Variants in BSCL2 observed in about 807,000 individuals in gnomAD.
The protein encoded by BSCL2 is seipin.
A neutral mutation model predicts 57.4 loss-of-function variants in BSCL2; 41 were observed. The observed-to-expected ratio is 0.71, with a 90% confidence interval of 0.56 to 0.93. BSCL2 has a LOEUF of 0.93. Ranked by LOEUF, BSCL2 falls within the 40% of genes least tolerant of loss-of-function variation. The pLI is 0.00. For missense variants in BSCL2, 539 were observed against 586.7 expected (o/e 0.92, Z 0.84); for synonymous variants, 237 against 227.3 (o/e 1.04, Z -0.38).
In BSCL2 at chr11:62,700,185, G is replaced by A. The variant is rs553032263; in HGVS notation, c.486+2283C>T. ...GAACCTGGGAGGTCAAGGCTGCAGC[G>A]AGCCGTGATCGTATCACTGCACTCC... On this transcript the variant is annotated intron_variant, in intron 3 of 10. Coordinates refer to ENST00000360796, the MANE Select transcript of BSCL2 (RefSeq NM_001122955.4). Among the ~76,000 whole-genome samples the A allele has an allele frequency of 7.8e-4, 117 of 150,906 alleles. 1 individual carries two copies. Among genetic ancestry groups the A allele is most frequent in the African/African-American group, 2.5e-3 (103 of 41,110 alleles).
At chr11:62,696,529 C>T (rs1325116583) in intron 3 of BSCL2, among the ~76,000 whole-genome samples, 2 of 145,992 alleles carry the variant, frequency 1.4e-5, no homozygotes, top group African/African-American at 5.1e-5. Context: ...CCTATGAATT[C>T]TTCCCCTCAA....
intron 1 of BSCL2, 182 bp from the exon 2 acceptor site, chr11:62,705,799 C>T (rs1019425848): frequency 3.1e-6 from 2 of 650,236 alleles, no homozygotes; most frequent in Non-Finnish European, 5.1e-6. Flanking sequence ...CTTTCCTCCA[C>T]TGTGTTCCCT....
At chr11:62,701,913 G>A (rs993283858) in intron 3 of BSCL2, among the ~76,000 whole-genome samples, 3 of 151,888 alleles carry the variant, frequency 2.0e-5, no homozygotes, top group African/African-American at 7.3e-5. Flanking sequence ...AATGTATGTC[G>A]CTTTTGCACC....
At chr11:62,696,730 T>C (rs1357018219) in intron 3 of BSCL2, among the ~76,000 whole-genome samples, 1 of 152,090 alleles carries the variant, frequency 6.6e-6, no homozygotes, top group Non-Finnish European at 1.5e-5. Flanking sequence ...GCTAATTTTT[T>C]ATTTTTTTGT....
intron 4 of BSCL2, among the ~76,000 whole-genome samples, chr11:62,694,067 G>A (rs1413923482): frequency 6.6e-6 from 1 of 151,966 alleles, no homozygotes; most frequent in African/African-American, 2.4e-5. Context: ...ACCCGCCTCG[G>A]CCTCCCAGAG....
chr11:62,694,561 C>G lies in BSCL2; in HGVS notation c.630+7G>C. 1 of 1,613,970 alleles carries G rather than the reference C, an allele frequency of 6.2e-7. No homozygotes were observed. Among genetic ancestry groups the G allele is most frequent in the Non-Finnish European group, 8.5e-7 (1 of 1,179,972 alleles). ...CACACCTTCTCAGACAGGCCACCAACACTTACCGAACGCGAAGAAGTGGAG... is the reference window on the plus strand; with the variant it reads ...CACACCTTCTCAGACAGGCCACCAAGACTTACCGAACGCGAAGAAGTGGAG... On this transcript the variant is annotated splice_region_variant and intron_variant, in intron 4 of 10. Transcript: ENST00000360796.
chr11:62,706,285 G>A lies in BSCL2; in HGVS notation c.88-668C>T, dbSNP rs374089937. 28 of 1,108,398 alleles carry A rather than the reference G, an allele frequency of 2.5e-5. No individual in the cohort carries two copies. In the South Asian group the frequency reaches 4.5e-4, roughly 18 times the overall value. 68.7% of individuals were successfully genotyped at this position (1,108,398 alleles called of 1,614,324 possible). A position where few individuals can be genotyped will look rare whatever the true frequency, so the allele number is the denominator to read the frequency against. On this transcript the variant is annotated intron_variant, in intron 1 of 10. Coordinates refer to ENST00000360796, the MANE Select transcript of BSCL2 (RefSeq NM_001122955.4). ...AGCCTCGCGCGCTGCCAGGGCAACC[G>A]TGAGACGGGACTTCCGGCTCCCGGG...
chr11:62,694,977 T>G (rs1192311578), intron 3 of BSCL2, among the ~76,000 whole-genome samples: 2 of 152,182 alleles, frequency 1.3e-5, no homozygotes, highest in Non-Finnish European at 2.9e-5. Context: ...CTGTGTCACG[T>G]TTCTTTTCCA....
intron 3 of BSCL2, 23 bp from the exon 4 acceptor site, chr11:62,694,734 C>G (rs1945406228): frequency 1.2e-6 from 2 of 1,612,182 alleles, no homozygotes; most frequent in African/African-American, 1.3e-5. Context: ...GCCCCCATTT[C>G]TTTAAAAAAA....
At chr11:62,708,474 T>G (rs2083580183), upstream of BSCL2, 2 of 1,253,582 alleles carry the variant, frequency 1.6e-6, no homozygotes, top group Admixed American at 3.4e-5. Context: ...AGATAAGAGA[T>G]GCGTTCTTTC....
Position 62,692,741 on chromosome 11 carries a change from A to C in BSCL2, c.687T>G (p.Ser229=). 6.2e-7 allele frequency: 1 copy of C among 1,614,100 alleles called. No homozygotes were observed. The highest frequency in any genetic ancestry group is 8.5e-7 in the Non-Finnish European group (1 of 1,180,004). The change falls in exon 5 of 11, where the codon TCT becomes TCG. Residue 229 remains serine (S), a synonymous_variant. Coordinates refer to ENST00000360796, the MANE Select transcript of BSCL2 (RefSeq NM_001122955.4). The part of the protein sequence containing the change: ...LLQMLDTLVF[S]SLLLFGFAEQ... Reference sequence around the variant, plus strand: ...CTGCAAAGCCAAATAGCAGGAGGCTAGAGAAGACCAGTGTGTCCAGCATCT... The same window carrying C: ...CTGCAAAGCCAAATAGCAGGAGGCTCGAGAAGACCAGTGTGTCCAGCATCT...
At chr11:62,705,794 C>T in intron 1 of BSCL2, 177 bp from the exon 2 acceptor site, 1 of 667,950 alleles carries the variant, frequency 1.5e-6, no homozygotes, top group Admixed American at 3.0e-5. Context: ...CTTCCCTTTC[C>T]TCCACTGTGT....
chr11:62,707,087 C>A, intron 1 of BSCL2, 22 bp downstream of exon 1: 1 of 1,547,548 alleles, frequency 6.5e-7, no homozygotes, highest in African/African-American at 1.4e-5. Flanking sequence ...TTTCTGCTGA[C>A]TGTCCCCACA....
At chr11:62,695,707 G>C (rs1270314420) in intron 3 of BSCL2, among the ~76,000 whole-genome samples, 1 of 74,448 alleles carries the variant, frequency 1.3e-5, no homozygotes, top group Non-Finnish European at 2.4e-5. Flanking sequence ...GCAAAACTCT[G>C]TCTCAAAAAA....
Position 62,691,361 on chromosome 11 carries a change from G to T in BSCL2, c.924C>A (p.Thr308=), listed in dbSNP as rs1223530433. The change falls in exon 7 of 11, where the codon ACC becomes ACA. Residue 308 remains threonine, a synonymous_variant. Transcript: ENST00000360796. ...TGAAGAGCACGATGACGCTGAGGAA[G>T]GTGAAGTTGCTGGCAACACCTATGA... ...CAFIGVASNF[T]FLSVIVLFSY... 1 of 1,614,184 alleles carries T rather than the reference G, an allele frequency of 6.2e-7. No homozygotes were observed. The highest frequency in any genetic ancestry group is 2.2e-5 in the East Asian group (1 of 44,888).
chr11:62,707,150 C>T lies in BSCL2; in HGVS notation c.46G>A (p.Glu16Lys), dbSNP rs1170183404. The change falls in exon 1 of 11, where the codon GAG (glutamate) becomes AAG (lysine). Residue 16 changes from glutamate (E) to lysine (K), a missense_variant. Coordinates refer to ENST00000360796, the MANE Select transcript of BSCL2 (RefSeq NM_001122955.4). ...CCTTTGATCTGGTCTCCGCACACCTCTTTTTCCCCAGCTTCCTCCTTTTGG... is the reference window on the plus strand; with the variant it reads ...CCTTTGATCTGGTCTCCGCACACCTTTTTTTCCCCAGCTTCCTCCTTTTGG... ...VDQKEEAGEK[E>K]VCGDQIKGPD... is the part of the protein sequence containing the mutation. The T allele has an allele frequency of 6.4e-7, 1 of 1,554,742 alleles. No homozygotes were observed. The highest frequency in any genetic ancestry group is 8.7e-7 in the Non-Finnish European group (1 of 1,147,874).
intron 5 of BSCL2, 73 bp downstream of exon 5, chr11:62,692,590 G>A (rs1267501243): frequency 3.1e-6 from 5 of 1,612,706 alleles, no homozygotes; most frequent in South Asian, 1.1e-5. Flanking sequence ...TGAGCCTGGA[G>A]GCTTCTCAGG....
At chr11:62,699,516 A>C (rs1945576683) in intron 3 of BSCL2, among the ~76,000 whole-genome samples, 1 of 151,910 alleles carries the variant, frequency 6.6e-6, no homozygotes, top group Admixed American at 6.6e-5. Flanking sequence ...TTATTTTTTA[A>C]CCATAGAAGC....
Position 62,692,428 on chromosome 11 carries a change from T to C in BSCL2, c.811A>G (p.Ile271Val). Residue 271 changes from isoleucine (I) to valine (V), a missense_variant, in exon 6 of 11, where the codon ATC becomes GTC. Around this residue, in one of 3 missense-constraint regions of BSCL2, gnomAD observed 73 missense variants for 122.0 expected, o/e 0.60. Coordinates refer to ENST00000360796, the MANE Select transcript of BSCL2 (RefSeq NM_001122955.4). Reference sequence around the variant, plus strand: ...CGGAGGTAGGCTCCATACAGCTGGATGCGCTTGCTGTGGATCTCAATGATC... The same window carrying C: ...CGGAGGTAGGCTCCATACAGCTGGACGCGCTTGCTGTGGATCTCAATGATC... ...GAIIEIHSKR[I>V]QLYGAYLRIH... The C allele has an allele frequency of 2.5e-6, 4 of 1,614,136 alleles. No individual in the cohort carries two copies. The highest frequency in any genetic ancestry group is 2.2e-5 in the East Asian group (1 of 44,880).
Sources: allele counts gnomAD v4.1 joint callset (sites outside exome capture counted in the v4.1 genomes callset), GRCh38; gene constraint gnomAD v4.1.1; regional missense constraint gnomAD v4.1.1; transcripts MANE v1.5; gene names NCBI Gene and HGNC (gene_info 2026-07-23, HGNC 2026-07-21).